The following CACNA1D variants were observed in gnomAD, a reference collection of about 807,000 sequenced individuals.
CACNA1D encodes the protein voltage-dependent L-type calcium channel subunit alpha-1D.
A neutral mutation model predicts 257.1 loss-of-function variants in CACNA1D; 55 were observed. The ratio of observed to expected loss-of-function variants is 0.21; its 90% confidence interval spans 0.17 to 0.27. CACNA1D has a LOEUF of 0.27. Among genes scored for constraint, CACNA1D ranks in the 10% least tolerant of loss-of-function variants. The probability of loss-of-function intolerance (pLI) is 1.00; values close to 1 mark genes in which losing one functional copy is unlikely to be tolerated. For missense variants in CACNA1D, 1,876 were observed against 2,784.0 expected (o/e 0.67, Z 7.34); for synonymous variants, 980 against 1,014.9 (o/e 0.97, Z 0.65).
chr3:53,681,825 G>A (rs1576335114), intron 8 of CACNA1D, among the ~76,000 whole-genome samples: 1 of 152,232 alleles, frequency 6.6e-6, no homozygotes, highest in Non-Finnish European at 1.5e-5. Flanking sequence ...AGTGAAGAAT[G>A]AGTAGTCCAC....
rs75331462 is a variant in CACNA1D, at chr3:53,730,175, T to G, written c.2222-267T>G. Reference sequence around the variant, plus strand: ...ACACACACACAGAGAAAGGTTGAAATTAGTGGGTTTTCATGGGTTTTAGTG... The same window carrying G: ...ACACACACACAGAGAAAGGTTGAAAGTAGTGGGTTTTCATGGGTTTTAGTG... On this transcript the variant is annotated intron_variant, in intron 15 of 47. Transcript: ENST00000350061. Among the ~76,000 whole-genome samples, 1,394 of 152,268 alleles carry G rather than the reference T, an allele frequency of 9.2e-3. 27 individuals are homozygous for G. The highest frequency in any genetic ancestry group is 0.031 in the African/African-American group (1,286 of 41,536).
chr3:53,798,091 T>A (rs939975654), intron 40 of CACNA1D: 1 of 152,244 alleles, frequency 6.6e-6, no homozygotes, highest in South Asian at 2.1e-4. Flanking sequence ...AAGCTCTGAA[T>A]GAATGAAATG....
intron 14 of CACNA1D, among the ~76,000 whole-genome samples, chr3:53,725,306 G>GCGTC (rs2094924883): frequency 6.6e-6 from 1 of 152,112 alleles, no homozygotes; most frequent in East Asian, 1.9e-4. Flanking sequence ...TTGAAACGCT[G>GCGTC]CGTCCATGCG....
rs569015864 is a variant in CACNA1D, at chr3:53,571,157, G to A, written c.483+69437G>A. ...GGCAGGAAAGGGAGTTTAGGATCAC[G>A]TTTGTTGTGGGGAAGTATCTGAATG... is the stretch of plus-strand genomic sequence containing the variant. On this transcript the variant is annotated intron_variant, in intron 3 of 47. Coordinates refer to ENST00000350061, the MANE Select transcript of CACNA1D (RefSeq NM_001128840.3). Among the ~76,000 whole-genome samples, 3 of 152,308 alleles carry A rather than the reference G, an allele frequency of 2.0e-5. No homozygotes were observed. In the South Asian group the frequency reaches 6.2e-4, roughly 32 times the overall value.
At chr3:53,588,962 C>T (rs905214261) in intron 3 of CACNA1D, among the ~76,000 whole-genome samples, 6 of 152,144 alleles carry the variant, frequency 3.9e-5, no homozygotes, top group Non-Finnish European at 8.8e-5. Flanking sequence ...ATTTCTTGGC[C>T]ACACCGTGCT....
At chr3:53,770,965 G>C (rs1271496506) in intron 32 of CACNA1D, among the ~76,000 whole-genome samples, 3 of 152,322 alleles carry the variant, frequency 2.0e-5, no homozygotes, top group East Asian at 1.9e-4. Flanking sequence ...GGCTAGTCTA[G>C]ATACAAATCA....
At chr3:53,637,042 T>C (rs1049933127) in intron 3 of CACNA1D, among the ~76,000 whole-genome samples, 1 of 152,212 alleles carries the variant, frequency 6.6e-6, no homozygotes, top group East Asian at 1.9e-4. Context: ...CCTCGCTCTT[T>C]TTTTTTCATT....
intron 3 of CACNA1D, 94 bp from the exon 4 acceptor site, chr3:53,650,685 C>G (rs1247637626): frequency 7.9e-6 from 10 of 1,272,868 alleles, no homozygotes; most frequent in African/African-American, 4.4e-5. Flanking sequence ...GCTTATATGT[C>G]TAAGGTGTTG....
In CACNA1D at chr3:53,808,274, C is replaced by A. The variant is rs534387216; in HGVS notation, c.5750-375C>A. 119 of 270,512 alleles carry A rather than the reference C, an allele frequency of 4.4e-4. 1 individual carries two copies. Among genetic ancestry groups the A allele is most frequent in the Middle Eastern group, 1.4e-3 (1 of 738 alleles). The allele number at this position is 270,512 out of a possible 1,614,324, so 16.8% of individuals were successfully genotyped here. On this transcript the variant is annotated intron_variant, in intron 45 of 47. Coordinates refer to ENST00000350061, the MANE Select transcript of CACNA1D (RefSeq NM_001128840.3). ...CTGAAAATACAAAATAGTAGCCGGG[C>A]GTGGTGGCGGGCGCCTGTAGTCCCA...
At chr3:53,601,688 G>GT (rs1202184874) in intron 3 of CACNA1D, among the ~76,000 whole-genome samples, 2 of 152,084 alleles carry the variant, frequency 1.3e-5, no homozygotes, top group Non-Finnish European at 2.9e-5. Flanking sequence ...AATCATGGCA[G>GT]TAGCTCCCCT....
intron 46 of CACNA1D, 43 bp downstream of exon 46, chr3:53,808,813 C>A (rs770000764): frequency 6.3e-7 from 1 of 1,591,904 alleles, no homozygotes; most frequent in Non-Finnish European, 8.5e-7. Context: ...TAGGGGCACC[C>A]CACATAGGAC....
intron 3 of CACNA1D, among the ~76,000 whole-genome samples, chr3:53,542,607 A>G (rs900584637): frequency 3.3e-5 from 5 of 151,928 alleles, no homozygotes; most frequent in Non-Finnish European, 5.9e-5. Context: ...TAAATAAACA[A>G]ATAAATATTC....
intron 3 of CACNA1D, among the ~76,000 whole-genome samples, chr3:53,597,422 G>A (rs1236494597): frequency 6.6e-6 from 1 of 152,238 alleles, no homozygotes; most frequent in Non-Finnish European, 1.5e-5. Context: ...CCAGGAGGTA[G>A]TGGAGTGGGG....
At chr3:53,547,719 G>A (rs1158629652) in intron 3 of CACNA1D, among the ~76,000 whole-genome samples, 1 of 152,154 alleles carries the variant, frequency 6.6e-6, no homozygotes, top group Non-Finnish European at 1.5e-5. Context: ...CCCTTTGGAG[G>A]CAGCTGCCTC....
intron 3 of CACNA1D, among the ~76,000 whole-genome samples, chr3:53,599,582 A>G (rs1221670996): frequency 2.0e-5 from 3 of 152,178 alleles, no homozygotes; most frequent in Non-Finnish European, 2.9e-5. Context: ...TGAGACCCTG[A>G]CAATTTACTT....
intron 3 of CACNA1D, among the ~76,000 whole-genome samples, chr3:53,531,036 T>G (rs563827465): frequency 1.5e-4 from 16 of 107,886 alleles, no homozygotes; most frequent in African/African-American, 4.6e-4. Context: ...TTTTTTTTTT[T>G]GTAGAGGTGA....
At chr3:53,801,634 G>A (rs1395728117) in intron 42 of CACNA1D, among the ~76,000 whole-genome samples, 2 of 152,158 alleles carry the variant, frequency 1.3e-5, no homozygotes, top group Non-Finnish European at 2.9e-5. Flanking sequence ...AGGGCCACGT[G>A]CCATCCTACA....
chr3:53,606,293 C>A (rs981132753), intron 3 of CACNA1D, among the ~76,000 whole-genome samples: 4 of 152,196 alleles, frequency 2.6e-5, no homozygotes, highest in Non-Finnish European at 4.4e-5. Context: ...TACAGAAACC[C>A]CTGCACTGTG....
Position 53,774,293 on chromosome 3 carries a change from C to A in CACNA1D, c.4111-294C>A, listed in dbSNP as rs550706451. On this transcript the variant is annotated intron_variant, in intron 33 of 47. Transcript: ENST00000350061. This position sits in a 1 kb window ranked among gnomAD's most constrained non-coding sequence, Gnocchi z 4.3. ...TCTCACGCTTCCCTGTGTGTCTGGACCACCCCAGCATCATCACTGGGGTTT... is the reference window on the plus strand; with the variant it reads ...TCTCACGCTTCCCTGTGTGTCTGGAACACCCCAGCATCATCACTGGGGTTT... 15 of 402,010 alleles carry A rather than the reference C, an allele frequency of 3.7e-5. No homozygotes were observed. Among genetic ancestry groups the A allele is most frequent in the African/African-American group, 6.1e-5 (3 of 48,910 alleles). 24.9% of individuals were successfully genotyped at this position (402,010 alleles called of 1,614,324 possible).
Sources: gnomAD v4.1 joint callset for allele counts (sites outside exome capture counted in the v4.1 genomes callset) on GRCh38, gnomAD v4.1.1 for gene constraint, Gnocchi (gnomAD v3.1) non-coding constraint, MANE v1.5 for transcripts, NCBI Gene and HGNC (gene_info 2026-07-23, HGNC 2026-07-21) for gene names.